Variants in TPO observed in about 807,000 individuals in gnomAD.
The protein encoded by TPO is thyroid microsomal antigen.
In TPO, 78 loss-of-function variants were observed where a neutral mutation model predicts 96.9. The observed-to-expected ratio is 0.81, with a 90% CI of 0.67 to 0.97. The LOEUF is 0.97. Ranked by LOEUF, TPO falls within the 50% of genes least tolerant of loss-of-function variation. TPO has a pLI of 0.00. For synonymous variants in TPO, 547 were observed against 538.0 expected, an observed-to-expected ratio of 1.02 and a Z score of -0.23; for missense variants, 1,252 against 1,274.8, an observed-to-expected ratio of 0.98 and a Z score of 0.27.
chr2:1,483,562 T>C (rs1279416061), intron 8 of TPO, among the ~76,000 whole-genome samples: 1 of 152,190 alleles, frequency 6.6e-6, no homozygotes, highest in Non-Finnish European at 1.5e-5. Flanking sequence ...CGTTGCCACA[T>C]AAATTGCACC....
In TPO at chr2:1,543,124, G is replaced by C. The variant is rs1052395987; in HGVS notation, c.*650G>C. 3.2e-5 allele frequency: 5 copies of C among 154,526 alleles called. No homozygotes were observed. The highest frequency in any genetic ancestry group is 2.5e-4 in the Admixed American group (4 of 15,774). The allele number at this position is 154,526 out of a possible 1,614,324, so 9.6% of individuals were successfully genotyped here. ...CTCCTCCTTATACCCTCACTCACGG[G>C]GAACACAGCCCAGTGATCCCGGAGG... On this transcript the variant is annotated 3_prime_UTR_variant, in exon 17 of 17. Coordinates refer to ENST00000329066, the MANE Select transcript of TPO (RefSeq NM_001206744.2).
At chr2:1,478,909 G>A (rs1387571710) in intron 8 of TPO, among the ~76,000 whole-genome samples, 1 of 152,022 alleles carries the variant, frequency 6.6e-6, no homozygotes, top group African/African-American at 2.4e-5. Flanking sequence ...CAGCAAACAC[G>A]GCAGACGAGT....
At chr2:1,387,088 G>A (rs188165952) in intron 1 of TPO, among the ~76,000 whole-genome samples, 55 of 152,298 alleles carry the variant, frequency 3.6e-4, no homozygotes, top group African/African-American at 1.3e-3. Context: ...TCAGCTGTTA[G>A]TCTGATGGGC....
chr2:1,438,932 A>G (rs1665884426), intron 5 of TPO: 2 of 707,324 alleles, frequency 2.8e-6, no homozygotes, highest in Non-Finnish European at 5.2e-6. Flanking sequence ...GCTTTTCTCC[A>G]ATGACGTCTA....
At chr2:1,510,602 G>A (rs1297105968) in intron 14 of TPO, among the ~76,000 whole-genome samples, 7 of 152,254 alleles carry the variant, frequency 4.6e-5, no homozygotes, top group South Asian at 2.1e-4. Flanking sequence ...CACCCACTAC[G>A]TCTCTTCCTC....
intron 1 of TPO, among the ~76,000 whole-genome samples, chr2:1,407,553 C>G (rs61423858): frequency 0.021 from 3,184 of 152,278 alleles, 117 homozygotes; most frequent in African/African-American, 0.073. Flanking sequence ...CAAACTACCC[C>G]CTTTTCTTGT....
intron 2 of TPO, among the ~76,000 whole-genome samples, chr2:1,422,199 G>T (rs1370596128): frequency 1.3e-5 from 2 of 149,986 alleles, no homozygotes; most frequent in South Asian, 2.1e-4. Context: ...GACGGAGCAG[G>T]GCAGAGTGAG....
intron 16 of TPO, chr2:1,541,177 T>TGTAA (rs1258585907): frequency 1.1e-5 from 13 of 1,174,156 alleles, no homozygotes; most frequent in Non-Finnish European, 1.4e-5. Flanking sequence ...AACTCACTTG[T>TGTAA]GTAAGTCTGA....
chr2:1,477,625 C>T (rs748864763), intron 8 of TPO, 21 bp downstream of exon 8: 103 of 1,480,336 alleles, frequency 7.0e-5, no homozygotes, highest in Non-Finnish European at 9.2e-5. Flanking sequence ...TGGTCCTGGG[C>T]GCCCTGGGTG....
At chr2:1,506,344 A>T (rs1673459002) in intron 14 of TPO, among the ~76,000 whole-genome samples, 1 of 150,504 alleles carries the variant, frequency 6.6e-6, no homozygotes, top group South Asian at 2.2e-4. Flanking sequence ...CAATAAACAT[A>T]TGTGTGCATG....
chr2:1,523,948 C>T (rs1172356905), intron 15 of TPO, among the ~76,000 whole-genome samples: 11 of 119,618 alleles, frequency 9.2e-5, no homozygotes, highest in Admixed American at 9.1e-4. Flanking sequence ...GTGCAACCTT[C>T]CCAAATCCCC....
chr2:1,421,910 A>G (rs1213633365), intron 2 of TPO, among the ~76,000 whole-genome samples: 1 of 152,140 alleles, frequency 6.6e-6, no homozygotes, highest in Non-Finnish European at 1.5e-5. Context: ...CCCTCTTCAG[A>G]TTCCACACCC....
chr2:1,460,356 G>A (rs1452287873), intron 7 of TPO, among the ~76,000 whole-genome samples: 1 of 152,132 alleles, frequency 6.6e-6, no homozygotes, highest in Admixed American at 6.5e-5. Flanking sequence ...AGAGGCCCTC[G>A]TTCCCAGCTA....
At chr2:1,489,931 GGAGGAGTCACGACAGAGCAGTGT>G (rs1671561728) in intron 10 of TPO, among the ~76,000 whole-genome samples, 2 of 147,490 alleles carry the variant, frequency 1.4e-5, no homozygotes, top group Non-Finnish European at 3.0e-5. Context: ...TGAGCACACA[GGAGGAGTCACGACAGAGCAGTGT>G]AAGAGCCGCC....
At chr2:1,465,362 G>C (rs955832690) in intron 7 of TPO, among the ~76,000 whole-genome samples, 32 of 152,256 alleles carry the variant, frequency 2.1e-4, no homozygotes, top group African/African-American at 7.2e-4. Flanking sequence ...TTTCTGCTTA[G>C]TCTTGCTTTG....
At chr2:1,529,397 G>C (rs1325364727) in intron 15 of TPO, among the ~76,000 whole-genome samples, 1 of 53,652 alleles carries the variant, frequency 1.9e-5, no homozygotes, top group Non-Finnish European at 3.1e-5. Context: ...TCCCCCCACT[G>C]TCTGCAACAT....
intron 15 of TPO, among the ~76,000 whole-genome samples, chr2:1,536,603 C>G (rs1368409215): frequency 3.0e-5 from 2 of 66,090 alleles, no homozygotes; most frequent in African/African-American, 1.3e-4. Flanking sequence ...TGTGTGCATT[C>G]TCCTCAAATG....
chr2:1,402,667 G>C (rs1175845175), intron 1 of TPO, among the ~76,000 whole-genome samples: 2 of 152,058 alleles, frequency 1.3e-5, no homozygotes, highest in African/African-American at 4.8e-5. Context: ...AAGCAAAGGG[G>C]GAAACTTCTT....
At chr2:1,391,016 C>A (rs1661991665) in intron 1 of TPO, among the ~76,000 whole-genome samples, 1 of 152,168 alleles carries the variant, frequency 6.6e-6, no homozygotes, top group Admixed American at 6.5e-5. Flanking sequence ...TTTTGCTGTG[C>A]AGAAGCTCTT....
Sources: gnomAD v4.1 joint callset for allele counts (sites outside exome capture counted in the v4.1 genomes callset) on GRCh38, gnomAD v4.1.1 for gene constraint, MANE v1.5 for transcripts, NCBI Gene and HGNC (gene_info 2026-07-23, HGNC 2026-07-21) for gene names.